The following KIRREL3 variants were observed in gnomAD, a reference collection of about 807,000 sequenced individuals.
KIRREL3 encodes kin of IRRE-like protein 3.
A neutral mutation model predicts 89.7 loss-of-function variants in KIRREL3; 36 were observed. That is an observed-to-expected ratio of 0.40 (90% CI 0.31 to 0.53). KIRREL3 has a LOEUF of 0.53. KIRREL3 is among the 20% of genes least tolerant of loss of function. KIRREL3 has a pLI of 0.49. For synonymous variants in KIRREL3, 445 were observed against 441.4 expected, an observed-to-expected ratio of 1.01 and a Z score of -0.10; for missense variants, 864 against 1,056.6, an observed-to-expected ratio of 0.82 and a Z score of 2.53.
chr11:126,588,008 C>T (rs1419289268), intron 1 of KIRREL3, among the ~76,000 whole-genome samples: 1 of 152,130 alleles, frequency 6.6e-6, no homozygotes, highest in Non-Finnish European at 1.5e-5. Flanking sequence ...CGGGGGAAAG[C>T]ATTGGGCCAT....
chr11:126,754,664 G>A lies in KIRREL3; in HGVS notation c.56-191752C>T, dbSNP rs1363795380. On this transcript the variant is annotated intron_variant, in intron 1 of 16. Coordinates refer to ENST00000525144, the MANE Select transcript of KIRREL3 (RefSeq NM_032531.4). This position sits in a 1 kb window ranked among gnomAD's most constrained non-coding sequence, Gnocchi z 5.1. ...GCACTCAGTGGTGTCAGGTGGCTGT[G>A]TTGTCTTCTTTCTGAGTTGTCTTCT... Among the ~76,000 whole-genome samples, 3 of 151,970 alleles carry A rather than the reference G, an allele frequency of 2.0e-5. No homozygotes were observed. Among genetic ancestry groups the A allele is most frequent in the Non-Finnish European group, 4.4e-5 (3 of 68,032 alleles).
At position 126,602,609 on chromosome 11, in the gene KIRREL3, T is replaced by G. The variant is rs141623719; in HGVS notation, c.56-39697A>C. 5.3e-5 allele frequency among the ~76,000 whole-genome samples: 8 copies of G among 152,184 alleles called. No homozygotes were observed. In the East Asian group the frequency reaches 1.5e-3, roughly 29 times the overall value. ...CTCCCTTTGGCTTGAACGCCTCTGA[T>G]CTCTCCCGTCTGTCACAGTCCCATC... is the stretch of plus-strand genomic sequence containing the variant. On this transcript the variant is annotated intron_variant, in intron 1 of 16. Transcript: ENST00000525144.
chr11:126,887,777 C>T (rs1301493417), intron 1 of KIRREL3, among the ~76,000 whole-genome samples: 1 of 152,180 alleles, frequency 6.6e-6, no homozygotes, highest in Non-Finnish European at 1.5e-5. Flanking sequence ...GCTGAGTAAC[C>T]AATGTAAGTA....
In KIRREL3 at chr11:126,455,890, G is replaced by A. The variant is rs958185645; in HGVS notation, c.848+459C>T. ...TGAGCAAGAGACACACAGGGGCCAT[G>A]AGTAAGTGTGATCCCGGATGCTCAC... is the stretch of plus-strand genomic sequence containing the variant. On this transcript the variant is annotated intron_variant, in intron 7 of 16. Coordinates refer to ENST00000525144, the MANE Select transcript of KIRREL3 (RefSeq NM_032531.4). This position sits in a 1 kb window ranked among gnomAD's most constrained non-coding sequence, Gnocchi z 6.4. 7.4e-4 allele frequency among the ~76,000 whole-genome samples: 112 copies of A among 152,178 alleles called. No individual in the cohort carries two copies. Among genetic ancestry groups the A allele is most frequent in the African/African-American group, 2.5e-3 (103 of 41,518 alleles).
chr11:126,589,244 A>G (rs898330003), intron 1 of KIRREL3, among the ~76,000 whole-genome samples: 4 of 152,212 alleles, frequency 2.6e-5, no homozygotes, highest in Non-Finnish European at 4.4e-5. Context: ...GGGCCCTCCA[A>G]GCCCTCCAGA....
chr11:126,815,585 G>C (rs1401379149), intron 1 of KIRREL3, among the ~76,000 whole-genome samples: 3 of 152,076 alleles, frequency 2.0e-5, no homozygotes, highest in Non-Finnish European at 4.4e-5. Flanking sequence ...CCAGGCTGGA[G>C]TGCAGTGGCG....
Position 126,541,350 on chromosome 11 carries a change from C to G in KIRREL3, c.134-14663G>C, listed in dbSNP as rs533530042. 3.3e-5 allele frequency among the ~76,000 whole-genome samples: 5 copies of G among 152,256 alleles called. No individual in the cohort carries two copies. Among genetic ancestry groups the G allele is most frequent in the African/African-American group, 9.6e-5 (4 of 41,532 alleles). On this transcript the variant is annotated intron_variant, in intron 2 of 16. Transcript: ENST00000525144. The surrounding 1 kb of genome is among the most constrained non-coding windows in gnomAD (Gnocchi z 4.8). ...AAATGCAAGGTTTAAGCGCCTTCCT[C>G]CCAACCCTAATGCTTGATGTTCTAA...
At chr11:126,646,172 G>A (rs1440652836) in intron 1 of KIRREL3, among the ~76,000 whole-genome samples, 1 of 152,068 alleles carries the variant, frequency 6.6e-6, no homozygotes, top group African/African-American at 2.4e-5. Flanking sequence ...ATCGCCCAGT[G>A]GGTCCCCCTT....
At chr11:126,826,042 T>C (rs1344032822) in intron 1 of KIRREL3, among the ~76,000 whole-genome samples, 7 of 152,210 alleles carry the variant, frequency 4.6e-5, no homozygotes, top group Non-Finnish European at 8.8e-5. Context: ...CCTCTCAGCC[T>C]GGTTAGCTCC....
In KIRREL3 at chr11:126,668,669, A is replaced by C. The variant is rs1018881078; in HGVS notation, c.56-105757T>G. 2.0e-5 allele frequency among the ~76,000 whole-genome samples: 3 copies of C among 151,376 alleles called. No homozygotes were observed. The highest frequency in any genetic ancestry group is 7.3e-5 in the African/African-American group (3 of 41,134). ...ATGCCATTTGCTGTCTCAAATCTATAAAGAGCTGTTGGGAAGTTTCTGTTT... is the reference window on the plus strand; with the variant it reads ...ATGCCATTTGCTGTCTCAAATCTATCAAGAGCTGTTGGGAAGTTTCTGTTT... On this transcript the variant is annotated intron_variant, in intron 1 of 16. Transcript: ENST00000525144. The surrounding 1 kb of genome is among the most constrained non-coding windows in gnomAD (Gnocchi z 4.4).
intron 1 of KIRREL3, among the ~76,000 whole-genome samples, chr11:126,637,537 T>G (rs1944314167): frequency 6.6e-6 from 1 of 152,126 alleles, no homozygotes; most frequent in Admixed American, 6.5e-5. Context: ...TTAGCTAGTT[T>G]CTCCTCTTGC....
At chr11:126,603,396 C>T (rs1234023633) in intron 1 of KIRREL3, among the ~76,000 whole-genome samples, 1 of 152,186 alleles carries the variant, frequency 6.6e-6, no homozygotes. Context: ...TGCCTGGGAG[C>T]CTCAGGAATG....
Position 126,736,410 on chromosome 11 carries a change from C to T in KIRREL3, c.56-173498G>A, listed in dbSNP as rs572797341. On this transcript the variant is annotated intron_variant, in intron 1 of 16. Transcript: ENST00000525144. The surrounding 1 kb of genome is among the most constrained non-coding windows in gnomAD (Gnocchi z 5.0). Reference sequence around the variant, plus strand: ...AGAGCCAGGATTTGATGAGAGGTCCCCGTGACATTTCAACCCAAGCTGTTT... The same window carrying T: ...AGAGCCAGGATTTGATGAGAGGTCCTCGTGACATTTCAACCCAAGCTGTTT... 5.9e-5 allele frequency among the ~76,000 whole-genome samples: 9 copies of T among 152,298 alleles called. No homozygotes were observed. The highest frequency in any genetic ancestry group is 8.8e-5 in the Non-Finnish European group (6 of 68,032).
At position 126,783,940 on chromosome 11, in the gene KIRREL3, G is replaced by A. The variant is rs1001937967; in HGVS notation, c.55+216515C>T. 5.9e-5 allele frequency among the ~76,000 whole-genome samples: 9 copies of A among 152,172 alleles called. No homozygotes were observed. The highest frequency in any genetic ancestry group is 5.8e-4 in the East Asian group (3 of 5,198). ...ATAGCACACACCCTTGATAGGATAC[G>A]ATGGAAACAGCACTTGTCTTTGTGG... On this transcript the variant is annotated intron_variant, in intron 1 of 16. Coordinates refer to ENST00000525144, the MANE Select transcript of KIRREL3 (RefSeq NM_032531.4). This position sits in a 1 kb window ranked among gnomAD's most constrained non-coding sequence, Gnocchi z 4.3.
At chr11:126,680,034 C>T (rs965030515) in intron 1 of KIRREL3, among the ~76,000 whole-genome samples, 1 of 152,110 alleles carries the variant, frequency 6.6e-6, no homozygotes, top group African/African-American at 2.4e-5. Context: ...TCTGGTTCTC[C>T]CAGAAACACT....
At chr11:126,929,868 G>A (rs951654535) in intron 1 of KIRREL3, among the ~76,000 whole-genome samples, 5 of 152,082 alleles carry the variant, frequency 3.3e-5, no homozygotes, top group African/African-American at 1.2e-4. Context: ...ATTTCAGCTT[G>A]GCTTAAGTAA....
intron 4 of KIRREL3, among the ~76,000 whole-genome samples, chr11:126,503,676 T>C (rs1270186440): frequency 1.3e-5 from 2 of 152,082 alleles, no homozygotes. Flanking sequence ...TGGGAGGTAA[T>C]TAGGGTTAGA....
In KIRREL3 at chr11:126,811,817, A is replaced by G. The variant is rs1951399189; in HGVS notation, c.55+188638T>C. 6.6e-6 allele frequency among the ~76,000 whole-genome samples: 1 copy of G among 152,084 alleles called. No individual in the cohort carries two copies. Among genetic ancestry groups the G allele is most frequent in the South Asian group, 2.1e-4 (1 of 4,814 alleles). ...GGCCAGGCTAGTCTCAAACTCCTGA[A>G]CTCGGGTGATCCACCCGCCTTGGCC... is the stretch of plus-strand genomic sequence containing the variant. On this transcript the variant is annotated intron_variant, in intron 1 of 16. Coordinates refer to ENST00000525144, the MANE Select transcript of KIRREL3 (RefSeq NM_032531.4). This position sits in a 1 kb window ranked among gnomAD's most constrained non-coding sequence, Gnocchi z 4.3.
intron 4 of KIRREL3, among the ~76,000 whole-genome samples, chr11:126,499,516 C>T (rs914447252): frequency 9.9e-5 from 15 of 152,188 alleles, no homozygotes; most frequent in Non-Finnish European, 1.8e-4. Flanking sequence ...CTGCCCACAG[C>T]CAAATTCAGA....
Sources: gnomAD v4.1 joint callset for allele counts (sites outside exome capture counted in the v4.1 genomes callset) on GRCh38, gnomAD v4.1.1 for gene constraint, Gnocchi (gnomAD v3.1) non-coding constraint, MANE v1.5 for transcripts, NCBI Gene and HGNC (gene_info 2026-07-23, HGNC 2026-07-21) for gene names.